THSD4: variants seen among roughly 807,000 people sequenced by gnomAD.
The protein encoded by THSD4 is thrombospondin type 1 domain containing 4.
Under a neutral mutation model 119.0 loss-of-function variants are expected in THSD4, and 69 were observed. That is an observed-to-expected ratio of 0.58 (90% CI 0.48 to 0.71). THSD4 has a LOEUF of 0.71. Among genes scored for constraint, THSD4 ranks in the 30% least tolerant of loss-of-function variants. The pLI is 0.00. For missense variants in THSD4, 1,393 were observed against 1,391.1 expected, an observed-to-expected ratio of 1.00 and a Z score of -0.02; for synonymous variants, 524 against 540.4, an observed-to-expected ratio of 0.97 and a Z score of 0.42.
chr15:71,247,970 A>G (rs534266693), intron 5 of THSD4, among the ~76,000 whole-genome samples: 12 of 152,054 alleles, frequency 7.9e-5, no homozygotes, highest in African/African-American at 2.9e-4. Flanking sequence ...AAGAACAACA[A>G]CCCTTTTCTG....
intron 6 of THSD4, among the ~76,000 whole-genome samples, chr15:71,395,085 A>G (rs2046430405): frequency 2.0e-5 from 3 of 152,226 alleles, no homozygotes; most frequent in Admixed American, 1.3e-4. Flanking sequence ...GAGGAGAACC[A>G]TTGAGTAGTT....
At chr15:71,310,476 A>T (rs2045096620) in intron 6 of THSD4, among the ~76,000 whole-genome samples, 1 of 152,222 alleles carries the variant, frequency 6.6e-6, no homozygotes, top group African/African-American at 2.4e-5. Flanking sequence ...TTTTATGCTT[A>T]GGTTCAACAA....
chr15:71,648,294 T>C (rs8027671), intron 7 of THSD4, among the ~76,000 whole-genome samples: 139,764 of 152,176 alleles, frequency 0.92, 65,395 homozygotes, highest in East Asian at 1. Flanking sequence ...TCCATGGGGC[T>C]TCCTACTGCC....
intron 7 of THSD4, among the ~76,000 whole-genome samples, chr15:71,421,546 C>T (rs1836718866): frequency 6.6e-6 from 1 of 152,242 alleles, no homozygotes; most frequent in Non-Finnish European, 1.5e-5. Context: ...GATGTAATGG[C>T]GCTTCATTGT....
intron 7 of THSD4, among the ~76,000 whole-genome samples, chr15:71,437,528 CA>C (rs2047028495): frequency 6.6e-6 from 1 of 152,156 alleles, no homozygotes; most frequent in Non-Finnish European, 1.5e-5. Flanking sequence ...CTCCAGAGAA[CA>C]GCTTTGGGAG....
intron 8 of THSD4, among the ~76,000 whole-genome samples, chr15:71,701,628 A>G (rs973412496): frequency 3.3e-5 from 5 of 152,200 alleles, no homozygotes; most frequent in African/African-American, 1.2e-4. Context: ...GACTAGCTCT[A>G]TATTTAATAA....
chr15:71,159,522 A>G (rs886689916), intron 3 of THSD4, among the ~76,000 whole-genome samples: 1 of 152,096 alleles, frequency 6.6e-6, no homozygotes, highest in Admixed American at 6.5e-5. Flanking sequence ...GTTTATTCCT[A>G]GGTATCTTAT....
At position 71,409,489 on chromosome 15, in the gene THSD4, C is replaced by A. The variant is rs151079231; in HGVS notation, c.1016-2198C>A. 3.5e-3 allele frequency among the ~76,000 whole-genome samples: 533 copies of A among 152,300 alleles called. 3 individuals carry two copies. Among genetic ancestry groups the A allele is most frequent in the Middle Eastern group, 0.014 (4 of 294 alleles). On this transcript the variant is annotated intron_variant, in intron 6 of 17. Transcript: ENST00000261862. ...TTCTTAAGCCTGTTTTTTAATCTAT[C>A]AAATGATGATTTCGTTTGAAATAAA...
At chr15:71,581,885 T>C (rs2049566350) in intron 7 of THSD4, among the ~76,000 whole-genome samples, 1 of 152,186 alleles carries the variant, frequency 6.6e-6, no homozygotes, top group African/African-American at 2.4e-5. Context: ...CTGTTTCTTA[T>C]GTTCATACCA....
At chr15:71,337,958 C>T (rs1165554250) in intron 6 of THSD4, among the ~76,000 whole-genome samples, 1 of 152,102 alleles carries the variant, frequency 6.6e-6, no homozygotes, top group Non-Finnish European at 1.5e-5. Flanking sequence ...CTGATAAGTT[C>T]CTGGAAGGAT....
At chr15:71,114,877 C>CT (rs1354417575), upstream of THSD4, 4 of 152,340 alleles carry the variant, frequency 2.6e-5, no homozygotes, top group African/African-American at 9.6e-5. Context: ...ATTTGGAGGG[C>CT]TCTTGTCCTT....
At chr15:71,209,395 T>A (rs2043870968) in intron 3 of THSD4, among the ~76,000 whole-genome samples, 1 of 152,206 alleles carries the variant, frequency 6.6e-6, no homozygotes. Context: ...GAAATATACA[T>A]CCTTGAAATG....
intron 7 of THSD4, among the ~76,000 whole-genome samples, chr15:71,578,188 A>T (rs2049491494): frequency 6.7e-6 from 1 of 149,372 alleles, no homozygotes; most frequent in Admixed American, 6.7e-5. Context: ...TAATGAATAT[A>T]TATACACACA....
At chr15:71,494,248 G>T (rs994958670) in intron 7 of THSD4, among the ~76,000 whole-genome samples, 1 of 152,042 alleles carries the variant, frequency 6.6e-6, no homozygotes, top group Non-Finnish European at 1.5e-5. Flanking sequence ...AACATTATTT[G>T]GTTAAATTAT....
intron 7 of THSD4, among the ~76,000 whole-genome samples, chr15:71,576,803 C>T (rs1230360644): frequency 6.6e-6 from 1 of 151,770 alleles, no homozygotes; most frequent in East Asian, 1.9e-4. Context: ...AACATGTTAC[C>T]TTTTTTGCCT....
intron 1 of THSD4, among the ~76,000 whole-genome samples, chr15:71,122,453 A>G (rs2040416559): frequency 6.6e-6 from 1 of 152,202 alleles, no homozygotes; most frequent in Admixed American, 6.5e-5. Context: ...CAGGCCAGTT[A>G]GTGAGTATCT....
At chr15:71,478,657 A>G (rs987882860) in intron 7 of THSD4, among the ~76,000 whole-genome samples, 1 of 152,240 alleles carries the variant, frequency 6.6e-6, no homozygotes, top group East Asian at 1.9e-4. Flanking sequence ...GCCAAAATTC[A>G]GATCACTTCT....
intron 7 of THSD4, among the ~76,000 whole-genome samples, chr15:71,588,138 C>G (rs1330590752): frequency 6.6e-6 from 1 of 151,748 alleles, no homozygotes; most frequent in Non-Finnish European, 1.5e-5. Context: ...AACCCCGTCT[C>G]TACTAAAAAT....
At chr15:71,235,704 A>G (rs910371004) in intron 4 of THSD4, among the ~76,000 whole-genome samples, 25 of 149,954 alleles carry the variant, frequency 1.7e-4, no homozygotes, top group Non-Finnish European at 4.4e-5. Flanking sequence ...CTTGTGCCTC[A>G]GCCTCTCCCG....
Sources: gnomAD v4.1 joint callset for allele counts (sites outside exome capture counted in the v4.1 genomes callset) on GRCh38, gnomAD v4.1.1 for gene constraint, MANE v1.5 for transcripts, NCBI Gene and HGNC (gene_info 2026-07-23, HGNC 2026-07-21) for gene names.